The following MYL2 variants were observed in gnomAD, a reference collection of about 807,000 sequenced individuals.
MYL2 encodes myosin light chain 2.
Under a neutral mutation model 23.0 loss-of-function variants are expected in MYL2, and 19 were observed. The observed-to-expected ratio is 0.83, with a 90% confidence interval of 0.58 to 1.21. MYL2 has a LOEUF of 1.21. Ranked by LOEUF, MYL2 falls within the 50% of genes most tolerant of loss-of-function variation. The pLI, the probability that MYL2 is intolerant of heterozygous loss-of-function variation, is 0.00. For missense variants in MYL2, 180 were observed against 215.1 expected (o/e 0.84, Z 1.02); for synonymous variants, 78 against 76.2 (o/e 1.02, Z -0.13).
chr12:110,913,052 A>G (rs778817639), intron 6 of MYL2, 44 bp downstream of exon 6: 15 of 1,611,452 alleles, frequency 9.3e-6, no homozygotes, highest in Middle Eastern at 1.7e-4. Flanking sequence ...CAGAAGGAGA[A>G]CCCAGGAGCT....
intron 4 of MYL2, among the ~76,000 whole-genome samples, chr12:110,913,921 T>A (rs1294248114): frequency 6.6e-6 from 1 of 152,034 alleles, no homozygotes. Flanking sequence ...CCTGGCTAAT[T>A]TTTTTGTGTG....
chr12:110,913,447 A>G, intron 4 of MYL2, 123 bp from the exon 5 acceptor site: 1 of 956,198 alleles, frequency 1.0e-6, no homozygotes, highest in Non-Finnish European at 1.7e-6. Context: ...TGCATGGAGG[A>G]AAAAGACCCT....
chr12:110,911,223 A>G, intron 6 of MYL2, 48 bp from the exon 7 acceptor site: 1 of 389,138 alleles, frequency 2.6e-6, no homozygotes, highest in Non-Finnish European at 4.7e-6. Flanking sequence ...AGGGGAACTG[A>G]GACGGAGGGT....
At chr12:110,911,220 C>A in intron 6 of MYL2, 45 bp from the exon 7 acceptor site, 1 of 666,946 alleles carries the variant, frequency 1.5e-6, no homozygotes, top group Non-Finnish European at 2.4e-6. Flanking sequence ...GGGAGGGGAA[C>A]TGAGACGGAG....
rs150195000 is a variant in MYL2 at position 110,912,840 on chromosome 12, C to T, written c.402+256G>A. Among the ~76,000 whole-genome samples, 8 of 152,352 alleles carry T rather than the reference C, an allele frequency of 5.3e-5. No homozygotes were observed. The East Asian group carries it at 1.2e-3, about 22-fold the overall frequency. On this transcript the variant is annotated intron_variant, in intron 6 of 6. Coordinates refer to ENST00000228841, the MANE Select transcript of MYL2 (RefSeq NM_000432.4). ...TTGGCCTCCCAAAGTGCTGGGATTA[C>T]AGGTGTGATTATTGTTATTTTAGAT...
intron 4 of MYL2, 106 bp from the exon 5 acceptor site, chr12:110,913,430 G>T (rs542635792): frequency 1.1e-4 from 135 of 1,175,692 alleles, no homozygotes; most frequent in Non-Finnish European, 1.6e-4. Context: ...CCAGAGCAAG[G>T]CTGCTTTGCA....
At chr12:110,920,600 C>A (rs185700670), upstream of MYL2, 4 of 1,609,980 alleles carry the variant, frequency 2.5e-6, no homozygotes, top group Admixed American at 5.0e-5. Flanking sequence ...AGCCCAGGAA[C>A]AATAAATACT....
chr12:110,913,340 G>T lies in MYL2; in HGVS notation c.275-16C>A. The T allele has an allele frequency of 3.1e-6, 5 of 1,614,162 alleles. No individual in the cohort carries two copies. The highest frequency in any genetic ancestry group is 4.2e-6 in the Non-Finnish European group (5 of 1,179,968). On this transcript the variant is annotated splice_polypyrimidine_tract_variant and intron_variant, in intron 4 of 6. Transcript: ENST00000228841. ...GGGTCCGCTCCTGAAACGGAACACA[G>T]GGCTTACATGTACTGGGGGTGGCTG...
At chr12:110,915,665 T>G (rs1170013377) in intron 3 of MYL2, 50 bp downstream of exon 3, 8 of 1,556,704 alleles carry the variant, frequency 5.1e-6, no homozygotes, top group Non-Finnish European at 7.1e-6. Flanking sequence ...CTGCTCCTCA[T>G]GGATGTGAGA....
chr12:110,920,385 G>T, intron 1 of MYL2, 142 bp downstream of exon 1: 1 of 1,162,922 alleles, frequency 8.6e-7, no homozygotes. Context: ...CTCTGTGCCC[G>T]CGCAGTCAAT....
rs1359131624 is a variant in MYL2 at position 110,911,162 on chromosome 12, A to G, written c.416T>C (p.Phe139Ser). 1 of 1,609,450 alleles carries G rather than the reference A, an allele frequency of 6.2e-7. No homozygotes were observed. Among genetic ancestry groups the G allele is most frequent in the African/African-American group, 1.3e-5 (1 of 74,742 alleles). ...AGTCACGTCAGGGGGGAAGGCGGCGAACATCTGGTCAACCTGCAATGAGCC... is the reference window on the plus strand; with the variant it reads ...AGTCACGTCAGGGGGGAAGGCGGCGGACATCTGGTCAACCTGCAATGAGCC... ...RFSKEEVDQM[F>S]AAFPPDVTGN... Residue 139 changes from phenylalanine to serine, a missense_variant, in exon 7 of 7, where the codon TTC becomes TCC. Physicochemically the swap from Phe to Ser is radical, Grantham distance 155. Coordinates refer to ENST00000228841, the MANE Select transcript of MYL2 (RefSeq NM_000432.4).
chr12:110,920,767 G>A (rs1304146533), upstream of MYL2: 7 of 616,952 alleles, frequency 1.1e-5, no homozygotes, highest in Non-Finnish European at 2.0e-5. Context: ...GGCATTCAAG[G>A]TTAAAGAGGC....
At position 110,913,140 on chromosome 12, in the gene MYL2, G is replaced by A. The variant is rs397516404; in HGVS notation, c.358C>T (p.Arg120Trp). Reference sequence around the variant, plus strand: ...TCCGCCTGCGTGGTCAGCATTTCCCGAACGCTGCAGAGAAAGGAAAGCAGG... The same window carrying A: ...TCCGCCTGCGTGGTCAGCATTTCCCAAACGCTGCAGAGAAAGGAAAGCAGG... ...GKGVLKADYV[R>W]EMLTTQAERF... The change falls in exon 6 of 7, where the codon CGG becomes TGG. Residue 120 changes from arginine (R) to tryptophan (W), a missense_variant. Coordinates refer to ENST00000228841, the MANE Select transcript of MYL2 (RefSeq NM_000432.4). The A allele has an allele frequency of 1.4e-5, 23 of 1,614,212 alleles. No individual in the cohort carries two copies. The highest frequency in any genetic ancestry group is 1.6e-4 in the Middle Eastern group (1 of 6,062).
At position 110,911,121 on chromosome 12, in the gene MYL2, T is replaced by C. The variant is rs1330826679; in HGVS notation, c.457A>G (p.Lys153Glu). The C allele has an allele frequency of 1.2e-6, 2 of 1,613,636 alleles. No homozygotes were observed. Among genetic ancestry groups the C allele is most frequent in the South Asian group, 1.1e-5 (1 of 91,072 alleles). The change falls in exon 7 of 7, where the codon AAG (lysine) becomes GAG (glutamate). Residue 153 changes from lysine to glutamate, a missense_variant. Coordinates refer to ENST00000228841, the MANE Select transcript of MYL2 (RefSeq NM_000432.4). Reference sequence around the variant, plus strand: ...TGGGTGATGATGTGCACCAGGTTCTTGTAGTCCAAGTTGCCAGTCACGTCA... The same window carrying C: ...TGGGTGATGATGTGCACCAGGTTCTCGTAGTCCAAGTTGCCAGTCACGTCA... ...PPDVTGNLDY[K>E]NLVHIITHGE...
chr12:110,910,870 A>G lies in MYL2; in HGVS notation c.*207T>C. On this transcript the variant is annotated 3_prime_UTR_variant, in exon 7 of 7. Transcript: ENST00000228841. ...TACACGACCTCCTGTTTATTGGAAC[A>G]TGGCCTCTGGATGGATTTCCAACTG... 1.6e-6 allele frequency: 1 copy of G among 607,946 alleles called. No homozygotes were observed. Among genetic ancestry groups the G allele is most frequent in the East Asian group, 2.8e-5 (1 of 35,298 alleles). 37.7% of individuals were successfully genotyped at this position (607,946 alleles called of 1,614,324 possible). A position where few individuals can be genotyped will look rare whatever the true frequency, so the allele number is the denominator to read the frequency against.
chr12:110,916,143 C>T (rs1476930356), intron 2 of MYL2, among the ~76,000 whole-genome samples: 2 of 152,200 alleles, frequency 1.3e-5, no homozygotes, highest in East Asian at 3.9e-4. Context: ...CAAGACCAGC[C>T]TGGCCAACAT....
At chr12:110,916,884 T>C (rs1592801561) in intron 2 of MYL2, among the ~76,000 whole-genome samples, 4 of 152,184 alleles carry the variant, frequency 2.6e-5, no homozygotes, top group South Asian at 2.1e-4. Flanking sequence ...AGTCTTGCTA[T>C]GTCACCCAGG....
At chr12:110,915,259 A>G (rs2071681194) in intron 3 of MYL2, among the ~76,000 whole-genome samples, 1 of 152,200 alleles carries the variant, frequency 6.6e-6, no homozygotes, top group Non-Finnish European at 1.5e-5. Context: ...AACTCCATGT[A>G]CTCATGCTCA....
Position 110,919,270 on chromosome 12 carries a change from T to A in MYL2, c.4-77A>T, listed in dbSNP as rs10849917. 0.1 allele frequency: 124,494 copies of A among 1,196,590 alleles called. 7,777 individuals carry two copies. The highest frequency in any genetic ancestry group is 0.23 in the African/African-American group (15,255 of 66,788). The allele number at this position is 1,196,590 out of a possible 1,614,324, so 74.1% of individuals were successfully genotyped here. A position where few individuals can be genotyped will look rare whatever the true frequency, so the allele number is the denominator to read the frequency against. Reference sequence around the variant, plus strand: ...CTAGGTCAGGCCCCTACTCTGGGTGTGTTCATCTCTGTTGCAGGGCTCAGC... The same window carrying A: ...CTAGGTCAGGCCCCTACTCTGGGTGAGTTCATCTCTGTTGCAGGGCTCAGC... On this transcript the variant is annotated intron_variant, in intron 1 of 6. Coordinates refer to ENST00000228841, the MANE Select transcript of MYL2 (RefSeq NM_000432.4).
Sources: allele counts gnomAD v4.1 joint callset (sites outside exome capture counted in the v4.1 genomes callset), GRCh38; gene constraint gnomAD v4.1.1; transcripts MANE v1.5; gene names NCBI Gene and HGNC (gene_info 2026-07-23, HGNC 2026-07-21).